The following FEZ2 variants were observed in gnomAD, a reference collection of about 807,000 sequenced individuals.
FEZ2 encodes the protein fasciculation and elongation protein zeta 2.
A neutral mutation model predicts 40.4 loss-of-function variants in FEZ2; 51 were observed. That is an observed-to-expected ratio of 1.26 (90% CI 1.01 to 1.59). FEZ2 has a LOEUF of 1.59. Among genes scored for constraint, FEZ2 ranks in the 40% most tolerant of loss-of-function variants. The probability of loss-of-function intolerance (pLI) is 0.00; values close to 1 mark genes in which losing one functional copy is unlikely to be tolerated. For synonymous variants in FEZ2, 242 were observed against 172.0 expected (o/e 1.41, Z -3.18); for missense variants, 640 against 438.3 (o/e 1.46, Z -4.11).
At position 36,558,835 on chromosome 2, in the gene FEZ2, C is replaced by T. The variant is rs1668022044; in HGVS notation, c.904-322G>A. On this transcript the variant is annotated intron_variant, in intron 5 of 7. Transcript: ENST00000405912. ...GTTCATTTTTAAAGTGAAGTATTAT[C>T]TCACATTCTACTTGCATATTTTTCA... 3 of 181,800 alleles carry T rather than the reference C, an allele frequency of 1.7e-5. No homozygotes were observed. The Admixed American group carries it at 1.8e-4, about 11-fold the overall frequency. 11.3% of individuals were successfully genotyped at this position (181,800 alleles called of 1,614,324 possible). A position where few individuals can be genotyped will look rare whatever the true frequency, so the allele number is the denominator to read the frequency against.
chr2:36,570,488 T>C (rs1357214603), intron 5 of FEZ2, among the ~76,000 whole-genome samples: 2 of 152,188 alleles, frequency 1.3e-5, no homozygotes, highest in African/African-American at 2.4e-5. Context: ...AACTAGAATA[T>C]AATAATTGAT....
chr2:36,578,561 T>A, intron 5 of FEZ2, 36 bp downstream of exon 5: 1 of 1,584,620 alleles, frequency 6.3e-7, no homozygotes, highest in Non-Finnish European at 8.6e-7. Context: ...AGAACCTGTT[T>A]CCAGTGTTCG....
At chr2:36,580,589 C>T (rs1223123769) in intron 4 of FEZ2, among the ~76,000 whole-genome samples, 3 of 152,208 alleles carry the variant, frequency 2.0e-5, no homozygotes, top group African/African-American at 7.2e-5. Flanking sequence ...CAAACAGATC[C>T]ATGGTTCCCA....
At position 36,552,310 on chromosome 2, in the gene FEZ2, A is replaced by T. The variant is rs969745591; in HGVS notation, c.*853T>A. 1 of 418,486 alleles carries T rather than the reference A, an allele frequency of 2.4e-6. No homozygotes were observed. The highest frequency in any genetic ancestry group is 4.7e-6 in the Non-Finnish European group (1 of 211,482). The allele number at this position is 418,486 out of a possible 1,614,324, so 25.9% of individuals were successfully genotyped here. A position where few individuals can be genotyped will look rare whatever the true frequency, so the allele number is the denominator to read the frequency against. ...TGCCATTGATTTGACTGGAACCAGC[A>T]AAAGTGCTCATGATATTGATGAATC... On this transcript the variant is annotated 3_prime_UTR_variant, in exon 8 of 8. Coordinates refer to ENST00000405912, the MANE Select transcript of FEZ2 (RefSeq NM_005102.3).
chr2:36,594,544 G>T, intron 1 of FEZ2: 1 of 169,908 alleles, frequency 5.9e-6, no homozygotes. Context: ...GATCTTGTAA[G>T]ACTTATTCAC....
intron 5 of FEZ2, among the ~76,000 whole-genome samples, chr2:36,574,214 G>T (rs372868704): frequency 6.2e-4 from 95 of 152,194 alleles, no homozygotes; most frequent in African/African-American, 2.2e-3. Context: ...ATTCAAAGCC[G>T]TCTGTATGTA....
chr2:36,555,899 C>T, intron 6 of FEZ2, 151 bp from the exon 7 acceptor site: 1 of 671,068 alleles, frequency 1.5e-6, no homozygotes, highest in South Asian at 1.7e-5. Context: ...TAAGGGGATA[C>T]AACAATAAAG....
intron 4 of FEZ2, among the ~76,000 whole-genome samples, chr2:36,579,397 A>G (rs1395303470): frequency 6.6e-6 from 1 of 152,178 alleles, no homozygotes; most frequent in Admixed American, 6.5e-5. Flanking sequence ...TCCCCACCCA[A>G]ATCTCATACA....
chr2:36,558,411 T>TA (rs761527135), intron 6 of FEZ2, 27 bp downstream of exon 6: 1 of 1,379,816 alleles, frequency 7.2e-7, no homozygotes, highest in Non-Finnish European at 9.8e-7. Flanking sequence ...GGAAATCAGG[T>TA]AATAGTTTCA....
chr2:36,565,286 C>T (rs1001160088), intron 5 of FEZ2, among the ~76,000 whole-genome samples: 3 of 152,202 alleles, frequency 2.0e-5, no homozygotes, highest in African/African-American at 7.2e-5. Context: ...CTTGAAACCA[C>T]TGAAGTTCTC....
chr2:36,568,088 G>A (rs1668298503), intron 5 of FEZ2, among the ~76,000 whole-genome samples: 1 of 152,106 alleles, frequency 6.6e-6, no homozygotes, highest in African/African-American at 2.4e-5. Flanking sequence ...GTATTATTAG[G>A]TGCTTATGGT....
chr2:36,557,485 A>T (rs1342856458), intron 6 of FEZ2: 2 of 152,190 alleles, frequency 1.3e-5, no homozygotes, highest in Non-Finnish European at 2.9e-5. Flanking sequence ...TTCCTCTTAA[A>T]TTTCCAAAAT....
intron 1 of FEZ2, 88 bp downstream of exon 1, chr2:36,597,789 G>T: frequency 1.0e-6 from 1 of 997,828 alleles, no homozygotes; most frequent in Non-Finnish European, 1.3e-6. Flanking sequence ...GAAGGAGGGC[G>T]CAGGGAGGAG....
At chr2:36,572,017 G>GA (rs34787798) in intron 5 of FEZ2, among the ~76,000 whole-genome samples, 18,156 of 108,642 alleles carry the variant, frequency 0.17, 2,591 homozygotes, top group Non-Finnish European at 0.23. Context: ...TCCGTCTCAG[G>GA]AAAAAAAAAA....
At chr2:36,554,936 G>A (rs1439515591) in intron 7 of FEZ2, among the ~76,000 whole-genome samples, 3 of 152,184 alleles carry the variant, frequency 2.0e-5, no homozygotes, top group Non-Finnish European at 2.9e-5. Flanking sequence ...CTACAAAGAT[G>A]CATTTTGTGA....
At chr2:36,573,719 C>T (rs994944774) in intron 5 of FEZ2, among the ~76,000 whole-genome samples, 4 of 152,226 alleles carry the variant, frequency 2.6e-5, no homozygotes, top group Non-Finnish European at 5.9e-5. Context: ...TGTGTACCCT[C>T]ACAAATAAAT....
At chr2:36,565,520 C>T (rs936330789) in intron 5 of FEZ2, among the ~76,000 whole-genome samples, 1 of 152,136 alleles carries the variant, frequency 6.6e-6, no homozygotes, top group South Asian at 2.1e-4. Context: ...ATGTCCCTAA[C>T]TGTCCCCTCC....
At chr2:36,597,803 C>A (rs1669274636) in intron 1 of FEZ2, 74 bp downstream of exon 1, 2 of 993,068 alleles carry the variant, frequency 2.0e-6, no homozygotes. Flanking sequence ...GGAGGAGCTG[C>A]GGCCGTAGGG....
intron 5 of FEZ2, among the ~76,000 whole-genome samples, chr2:36,565,242 C>T (rs546222406): frequency 6.6e-6 from 1 of 152,234 alleles, no homozygotes; most frequent in African/African-American, 2.4e-5. Context: ...TCCTAATTAA[C>T]TTATCTCCAG....
Sources: gnomAD v4.1 joint callset for allele counts (sites outside exome capture counted in the v4.1 genomes callset) on GRCh38, gnomAD v4.1.1 for gene constraint, MANE v1.5 for transcripts, NCBI Gene and HGNC (gene_info 2026-07-23, HGNC 2026-07-21) for gene names.